The following WHRN variants were observed in gnomAD, a reference collection of about 807,000 sequenced individuals.
WHRN encodes whirlin, also known as CASK-interacting protein CIP98.
Under a neutral mutation model 68.3 loss-of-function variants are expected in WHRN, and 41 were observed. That is an observed-to-expected ratio of 0.60 (90% CI 0.47 to 0.78). The LOEUF is 0.78. Among genes scored for constraint, WHRN ranks in the 30% least tolerant of loss-of-function variants. The pLI is 0.00. For synonymous variants in WHRN, 560 were observed against 561.3 expected, an observed-to-expected ratio of 1.00 and a Z score of 0.03; for missense variants, 1,243 against 1,244.7, an observed-to-expected ratio of 1.00 and a Z score of 0.02.
rs551814124 is a variant in WHRN, at chr9:114,493,088, G to A, written c.618+11096C>T. On this transcript the variant is annotated intron_variant, in intron 1 of 11. Transcript: ENST00000362057. ...AAAGAGGCTAGGCACAGTGGCTCAC[G>A]CCTGTAATCCCAGTGTTTTGAGAGG... Among the ~76,000 whole-genome samples, 39 of 152,174 alleles carry A rather than the reference G, an allele frequency of 2.6e-4. No individual in the cohort carries two copies. The East Asian group carries it at 4.6e-3, about 18-fold the overall frequency.
At chr9:114,446,765 C>T (rs1276111158) in intron 3 of WHRN, among the ~76,000 whole-genome samples, 1 of 152,140 alleles carries the variant, frequency 6.6e-6, no homozygotes, top group Non-Finnish European at 1.5e-5. Context: ...CTTCCATCTG[C>T]CTTAACTCAT....
intron 3 of WHRN, among the ~76,000 whole-genome samples, chr9:114,433,328 G>A (rs1205630858): frequency 6.6e-6 from 1 of 152,186 alleles, no homozygotes; most frequent in Non-Finnish European, 1.5e-5. Context: ...CTGATCCCGA[G>A]GCTGAGCTGG....
intron 7 of WHRN, 119 bp from the exon 8 acceptor site, chr9:114,408,137 C>T (rs1835174025): frequency 1.3e-6 from 1 of 772,834 alleles, no homozygotes; most frequent in Non-Finnish European, 2.3e-6. Context: ...TTCATGTGAG[C>T]CCTGACATAC....
At chr9:114,470,268 G>A (rs957167967) in intron 2 of WHRN, among the ~76,000 whole-genome samples, 2 of 152,182 alleles carry the variant, frequency 1.3e-5, no homozygotes, top group African/African-American at 4.8e-5. Context: ...CTTGAAGGCT[G>A]GGGCGGGGTG....
chr9:114,433,418 A>G (rs1326372909), intron 3 of WHRN, among the ~76,000 whole-genome samples: 1 of 152,246 alleles, frequency 6.6e-6, no homozygotes, highest in Non-Finnish European at 1.5e-5. Context: ...AGCCGATTTC[A>G]GAGTTGCCTT....
chr9:114,455,078 A>C (rs1164372484), intron 3 of WHRN, among the ~76,000 whole-genome samples: 1 of 152,252 alleles, frequency 6.6e-6, no homozygotes, highest in Non-Finnish European at 1.5e-5. Flanking sequence ...TAAAATGTAA[A>C]ATGCAAAACT....
chr9:114,461,176 C>A (rs561338939), intron 3 of WHRN, among the ~76,000 whole-genome samples: 1 of 152,262 alleles, frequency 6.6e-6, no homozygotes, highest in African/African-American at 2.4e-5. Flanking sequence ...TTTTCTCTGC[C>A]TTGTTTCCGA....
chr9:114,455,911 C>G (rs72750726), intron 3 of WHRN, among the ~76,000 whole-genome samples: 1 of 152,216 alleles, frequency 6.6e-6, no homozygotes, highest in Non-Finnish European at 1.5e-5. Context: ...AATCAGAACA[C>G]TTACATTAGT....
chr9:114,422,775 C>T (rs1836425205), intron 7 of WHRN, among the ~76,000 whole-genome samples: 1 of 152,178 alleles, frequency 6.6e-6, no homozygotes. Flanking sequence ...GTGGAGGTTG[C>T]AGTGAGCCAA....
At chr9:114,465,163 T>C (rs1840571716) in intron 3 of WHRN, among the ~76,000 whole-genome samples, 2 of 152,340 alleles carry the variant, frequency 1.3e-5, no homozygotes, top group Admixed American at 1.3e-4. Context: ...GCCTGTTTCC[T>C]AAGAGAACCT....
intron 4 of WHRN, chr9:114,425,389 C>A: frequency 3.5e-6 from 2 of 571,970 alleles, no homozygotes; most frequent in Non-Finnish European, 6.2e-6. Context: ...GGCCGGTGAA[C>A]TGGAGATCCC....
At chr9:114,404,215 C>T (rs546013837) in intron 9 of WHRN, 138 bp from the exon 10 acceptor site, 6 of 978,866 alleles carry the variant, frequency 6.1e-6, no homozygotes, top group East Asian at 2.6e-5. Context: ...ATGAAGAGAT[C>T]GTGGGGCCAG....
intron 3 of WHRN, among the ~76,000 whole-genome samples, chr9:114,440,450 G>C (rs906164443): frequency 3.9e-5 from 6 of 151,990 alleles, no homozygotes; most frequent in Non-Finnish European, 7.4e-5. Context: ...TGTTAGCTAG[G>C]CTGGTCTCAA....
At chr9:114,428,780 C>T (rs1000797593) in intron 3 of WHRN, among the ~76,000 whole-genome samples, 21 of 152,072 alleles carry the variant, frequency 1.4e-4, no homozygotes, top group Admixed American at 1.4e-3. Flanking sequence ...GCCTTTACCC[C>T]CCTGAGCAGA....
intron 7 of WHRN, among the ~76,000 whole-genome samples, chr9:114,410,319 C>T (rs2132239112): frequency 6.6e-6 from 1 of 152,350 alleles, no homozygotes; most frequent in Non-Finnish European, 1.5e-5. Context: ...ACTCTCTCCT[C>T]ACTTTTCAGA....
intron 3 of WHRN, among the ~76,000 whole-genome samples, chr9:114,453,663 G>T (rs1273961382): frequency 2.0e-5 from 3 of 152,034 alleles, no homozygotes; most frequent in Non-Finnish European, 4.4e-5. Flanking sequence ...CCAATTTCTT[G>T]AGAGACGCAA....
chr9:114,486,922 TGTAGAG>T (rs1564217121), intron 1 of WHRN, among the ~76,000 whole-genome samples: 40 of 81,862 alleles, frequency 4.9e-4, no homozygotes, highest in African/African-American at 1.5e-3. Context: ...TGTGTGTGTG[TGTAGAG>T]TGTGTGTGTG....
At chr9:114,502,783 A>C (rs894560345) in intron 1 of WHRN, among the ~76,000 whole-genome samples, 1 of 152,226 alleles carries the variant, frequency 6.6e-6, no homozygotes, top group Admixed American at 6.5e-5. Flanking sequence ...ATTTGCCTCA[A>C]GTATCTTTAG....
intron 3 of WHRN, among the ~76,000 whole-genome samples, chr9:114,455,050 T>A (rs777689969): frequency 4.6e-5 from 7 of 152,128 alleles, no homozygotes; most frequent in African/African-American, 7.2e-5. Context: ...ATATGAGAAC[T>A]CAAAATAAAT....
Sources: allele counts gnomAD v4.1 joint callset (sites outside exome capture counted in the v4.1 genomes callset), GRCh38; gene constraint gnomAD v4.1.1; transcripts MANE v1.5; gene names NCBI Gene and HGNC (gene_info 2026-07-23, HGNC 2026-07-21).